CDC14B: variants seen among roughly 807,000 people sequenced by gnomAD.
CDC14B encodes dual specificity protein phosphatase CDC14B.
A neutral mutation model predicts 64.2 loss-of-function variants in CDC14B; 22 were observed. The ratio of observed to expected loss-of-function variants is 0.34; its 90% CI spans 0.24 to 0.49. The LOEUF (loss-of-function observed/expected upper bound fraction) is 0.49. CDC14B is among the 20% of genes least tolerant of loss of function. The pLI is 0.99. For missense variants in CDC14B, 498 were observed against 629.9 expected (o/e 0.79, Z 2.24); for synonymous variants, 191 against 215.8 (o/e 0.89, Z 1.01).
chr9:96,555,823 C>CCATT (rs1039064110), intron 4 of CDC14B, among the ~76,000 whole-genome samples: 6 of 152,158 alleles, frequency 3.9e-5, no homozygotes, highest in African/African-American at 1.4e-4. Context: ...AATACCTCAA[C>CCATT]CATTCCCAGG....
intron 1 of CDC14B, among the ~76,000 whole-genome samples, chr9:96,605,988 T>C (rs191600705): frequency 3.0e-4 from 45 of 152,162 alleles, no homozygotes; most frequent in Admixed American, 9.2e-4. Context: ...ATAGCTTTTA[T>C]AGCATTAAAC....
intron 1 of CDC14B, among the ~76,000 whole-genome samples, chr9:96,616,232 A>G (rs1311341544): frequency 6.6e-6 from 1 of 152,134 alleles, no homozygotes; most frequent in Non-Finnish European, 1.5e-5. Flanking sequence ...AAGCTGAGGC[A>G]GGAGAATTGC....
At position 96,566,971 on chromosome 9, in the gene CDC14B, T is replaced by C. The variant is rs995025225; in HGVS notation, c.161-1488A>G. On this transcript the variant is annotated intron_variant, in intron 1 of 13. Transcript: ENST00000375241. ...GACACCCCTCGGCGGCCCAACGGCC[T>C]GACACGACAGCGCAACCCCGGAAGT... 251 of 1,457,868 alleles carry C rather than the reference T, an allele frequency of 1.7e-4. 2 individuals carry two copies. Among genetic ancestry groups the C allele is most frequent in the Middle Eastern group, 7.4e-4 (3 of 4,036 alleles). The allele number at this position is 1,457,868 out of a possible 1,614,324, so 90.3% of individuals were successfully genotyped here. A position where few individuals can be genotyped will look rare whatever the true frequency, so the allele number is the denominator to read the frequency against.
At chr9:96,575,467 CTTTTT>C (rs935208316) in intron 1 of CDC14B, among the ~76,000 whole-genome samples, 27 of 152,180 alleles carry the variant, frequency 1.8e-4, no homozygotes, top group African/African-American at 6.0e-4. Context: ...TTTGTAAGTT[CTTTTT>C]TTAAGGGAGG....
At chr9:96,574,462 GAT>G (rs1484182965) in intron 1 of CDC14B, among the ~76,000 whole-genome samples, 1 of 151,788 alleles carries the variant, frequency 6.6e-6, no homozygotes, top group African/African-American at 2.4e-5. Context: ...TAAAAACCTA[GAT>G]ATAAGAAGAA....
intron 3 of CDC14B, among the ~76,000 whole-genome samples, chr9:96,563,250 C>T (rs917705728): frequency 2.0e-5 from 3 of 152,182 alleles, no homozygotes; most frequent in South Asian, 4.1e-4. Flanking sequence ...GGGGTGCCGC[C>T]AGTGCACTGC....
At chr9:96,561,330 A>G (rs1039302027) in intron 4 of CDC14B, among the ~76,000 whole-genome samples, 11 of 152,230 alleles carry the variant, frequency 7.2e-5, no homozygotes, top group Non-Finnish European at 4.4e-5. Flanking sequence ...ATTTCAACTA[A>G]TATCACCAAC....
At chr9:96,562,812 ATTTTCT>A in intron 3 of CDC14B, 27 bp from the exon 4 acceptor site, 1 of 1,409,088 alleles carries the variant, frequency 7.1e-7, no homozygotes, top group Non-Finnish European at 1.0e-6. Flanking sequence ...AACTGTTAGC[ATTTTCT>A]TTTTAATTTC....
chr9:96,577,483 T>C (rs1339733168), intron 1 of CDC14B, among the ~76,000 whole-genome samples: 4 of 152,090 alleles, frequency 2.6e-5, no homozygotes, highest in African/African-American at 9.7e-5. Context: ...ACACCATTTT[T>C]CAAAAAAAAT....
intron 4 of CDC14B, among the ~76,000 whole-genome samples, chr9:96,553,523 T>C (rs781507216): frequency 1.3e-5 from 2 of 151,906 alleles, no homozygotes; most frequent in Non-Finnish European, 1.5e-5. Flanking sequence ...CACGCCTGGC[T>C]AGTTTTTTTG....
At chr9:96,617,912 C>G (rs1263346724) in intron 1 of CDC14B, among the ~76,000 whole-genome samples, 1 of 152,182 alleles carries the variant, frequency 6.6e-6, no homozygotes, top group African/African-American at 2.4e-5. Context: ...CCGTCCTCGG[C>G]GAGGCCCTCT....
intron 7 of CDC14B, chr9:96,538,718 G>A: frequency 4.9e-6 from 1 of 205,772 alleles, no homozygotes; most frequent in South Asian, 8.0e-5. Context: ...GCGAGACTTG[G>A]TCTCTCTCTT....
chr9:96,583,370 T>TTTA (rs60483659), intron 1 of CDC14B, among the ~76,000 whole-genome samples: 36,284 of 138,872 alleles, frequency 0.26, 4,999 homozygotes, highest in African/African-American at 0.35. Context: ...GTTGTATTTA[T>TTTA]TTATTATTAT....
At chr9:96,542,335 A>G (rs183844333) in intron 5 of CDC14B, among the ~76,000 whole-genome samples, 1 of 152,186 alleles carries the variant, frequency 6.6e-6, no homozygotes. Context: ...GTGTCTATTT[A>G]TACGTGTGTC....
intron 1 of CDC14B, among the ~76,000 whole-genome samples, chr9:96,604,471 C>T (rs1483879930): frequency 2.0e-5 from 3 of 151,470 alleles, no homozygotes; most frequent in Non-Finnish European, 2.9e-5. Context: ...ACCTCCGCCT[C>T]CCGGGATCAA....
chr9:96,602,038 G>A (rs1421082234), intron 1 of CDC14B, among the ~76,000 whole-genome samples: 6 of 152,050 alleles, frequency 3.9e-5, no homozygotes, highest in African/African-American at 1.2e-4. Flanking sequence ...CAGCCTGGAC[G>A]ACAGAGCGAG....
At chr9:96,521,564 T>C (rs565877257) in intron 12 of CDC14B, among the ~76,000 whole-genome samples, 54 of 152,360 alleles carry the variant, frequency 3.5e-4, no homozygotes, top group African/African-American at 1.2e-3. Flanking sequence ...CAACCCATAA[T>C]GACACATGCC....
chr9:96,522,727 C>T, intron 11 of CDC14B, 124 bp from the exon 12 acceptor site: 1 of 663,356 alleles, frequency 1.5e-6, no homozygotes, highest in Non-Finnish European at 2.7e-6. Context: ...ATATTTTTCC[C>T]TTTCACAATC....
At chr9:96,568,213 G>T (rs1294402516) in intron 1 of CDC14B, among the ~76,000 whole-genome samples, 1 of 152,036 alleles carries the variant, frequency 6.6e-6, no homozygotes, top group South Asian at 2.1e-4. Context: ...ATGGATCAAA[G>T]ACTTTTTAAA....
Sources: gnomAD v4.1 joint callset for allele counts (sites outside exome capture counted in the v4.1 genomes callset) on GRCh38, gnomAD v4.1.1 for gene constraint, MANE v1.5 for transcripts, NCBI Gene and HGNC (gene_info 2026-07-23, HGNC 2026-07-21) for gene names.